SLC8A1: variants seen among roughly 807,000 people sequenced by gnomAD.
The protein encoded by SLC8A1 is sodium/calcium exchanger 1.
SLC8A1 carries 18 observed loss-of-function variants against 68.3 expected under a neutral mutation model. The observed-to-expected ratio is 0.26, with a 90% CI of 0.18 to 0.39. SLC8A1 has a LOEUF of 0.39. Among genes scored for constraint, SLC8A1 ranks in the 10% least tolerant of loss-of-function variants. The probability of loss-of-function intolerance (pLI) is 1.00; values close to 1 mark genes in which losing one functional copy is unlikely to be tolerated. For missense variants in SLC8A1, 985 were observed against 1,156.7 expected, an observed-to-expected ratio of 0.85 and a Z score of 2.15; for synonymous variants, 475 against 415.5, an observed-to-expected ratio of 1.14 and a Z score of -1.74.
intron 1 of SLC8A1, among the ~76,000 whole-genome samples, chr2:40,466,083 T>C (rs1282067594): frequency 6.6e-6 from 1 of 152,122 alleles, no homozygotes; most frequent in Non-Finnish European, 1.5e-5. Context: ...TAAATGTCTG[T>C]TCTCTATAAG....
At chr2:40,390,067 T>C (rs1280811891) in intron 2 of SLC8A1, among the ~76,000 whole-genome samples, 2 of 152,058 alleles carry the variant, frequency 1.3e-5, no homozygotes, top group East Asian at 1.9e-4. Context: ...AATATAGATA[T>C]GTTGTAATGT....
intron 2 of SLC8A1, among the ~76,000 whole-genome samples, chr2:40,244,542 G>A (rs1163493762): frequency 7.2e-6 from 1 of 138,940 alleles, no homozygotes; most frequent in Non-Finnish European, 1.5e-5. Context: ...GAGTAGGCAA[G>A]TGGTGTGCAT....
chr2:40,172,962 C>A (rs2047785568), intron 4 of SLC8A1, among the ~76,000 whole-genome samples: 3 of 151,978 alleles, frequency 2.0e-5, no homozygotes. Context: ...CTGACACATT[C>A]AGTAATAAAA....
intron 7 of SLC8A1, among the ~76,000 whole-genome samples, chr2:40,135,643 G>A (rs1402956766): frequency 9.2e-5 from 14 of 152,130 alleles, no homozygotes; most frequent in Admixed American, 4.6e-4. Flanking sequence ...GCTTGAACCC[G>A]AGAGGCGGAG....
chr2:40,507,865 A>G (rs1165942530), intron 1 of SLC8A1, among the ~76,000 whole-genome samples: 1 of 152,102 alleles, frequency 6.6e-6, no homozygotes, highest in African/African-American at 2.4e-5. Context: ...GCAGAAAGTA[A>G]CATAGTTGGG....
chr2:40,254,591 TTC>T (rs1460120279), intron 2 of SLC8A1: 1 of 152,104 alleles, frequency 6.6e-6, no homozygotes, highest in Non-Finnish European at 1.5e-5. Flanking sequence ...GTTTAAAAAT[TTC>T]TTTTTTATTA....
intron 2 of SLC8A1, among the ~76,000 whole-genome samples, chr2:40,287,866 C>A (rs1028051650): frequency 6.6e-6 from 1 of 152,004 alleles, no homozygotes. Flanking sequence ...CCTGCCTCAC[C>A]AAACCCCAGC....
At chr2:40,383,079 C>T (rs1186917213) in intron 2 of SLC8A1, among the ~76,000 whole-genome samples, 1 of 152,022 alleles carries the variant, frequency 6.6e-6, no homozygotes. Flanking sequence ...GAATCTGGAC[C>T]TATTATCCCT....
chr2:40,287,104 C>T (rs1332268332), intron 2 of SLC8A1, among the ~76,000 whole-genome samples: 1 of 152,162 alleles, frequency 6.6e-6, no homozygotes, highest in Non-Finnish European at 1.5e-5. Flanking sequence ...ATGTTACACT[C>T]AGCTTGTCTG....
intron 2 of SLC8A1, chr2:40,254,629 T>C (rs2063584318): frequency 6.6e-6 from 1 of 152,224 alleles, no homozygotes. Context: ...CAGAAAATTG[T>C]GAGTTTTAAC....
chr2:40,170,295 A>G, intron 4 of SLC8A1: 1 of 1,613,984 alleles, frequency 6.2e-7, no homozygotes, highest in African/African-American at 1.3e-5. Context: ...AATGGTGATT[A>G]CAGTAGAGAG....
At chr2:40,348,684 G>A (rs1029409844) in intron 2 of SLC8A1, among the ~76,000 whole-genome samples, 2 of 152,094 alleles carry the variant, frequency 1.3e-5, no homozygotes, top group African/African-American at 4.8e-5. Context: ...TCTCAGGGCA[G>A]CTAGTGCTGA....
exon 8 of SLC8A1, chr2:40,098,554 A>G (rs1234158503): frequency 6.6e-6 from 1 of 152,024 alleles, no homozygotes; most frequent in African/African-American, 2.4e-5. Flanking sequence ...TGCTTTTCAT[A>G]TTAGAGAAGA....
At chr2:40,415,599 G>C (rs1559588424) in intron 2 of SLC8A1, among the ~76,000 whole-genome samples, 2 of 152,194 alleles carry the variant, frequency 1.3e-5, no homozygotes, top group East Asian at 1.9e-4. Flanking sequence ...AAAAGGATAG[G>C]ATGTGGGTAG....
intron 3 of SLC8A1, among the ~76,000 whole-genome samples, chr2:40,176,616 TAC>T (rs2048513281): frequency 6.6e-6 from 1 of 152,168 alleles, no homozygotes; most frequent in African/African-American, 2.4e-5. Flanking sequence ...CACAGAAACA[TAC>T]GTGTTTTTTC....
chr2:40,503,264 A>C (rs1706156655), intron 1 of SLC8A1, among the ~76,000 whole-genome samples: 1 of 151,984 alleles, frequency 6.6e-6, no homozygotes, highest in South Asian at 2.1e-4. Context: ...CCCTCAACCC[A>C]CATCTCTACT....
At chr2:40,256,840 A>G (rs905333330) in intron 2 of SLC8A1, among the ~76,000 whole-genome samples, 1 of 152,040 alleles carries the variant, frequency 6.6e-6, no homozygotes, top group African/African-American at 2.4e-5. Flanking sequence ...CAATCCCTCT[A>G]TTCTGCCACC....
intron 2 of SLC8A1, among the ~76,000 whole-genome samples, chr2:40,312,535 C>T (rs570617622): frequency 9.2e-5 from 14 of 151,828 alleles, no homozygotes; most frequent in Non-Finnish European, 1.6e-4. Flanking sequence ...TAGATAAGTA[C>T]AAGTATAAAT....
intron 2 of SLC8A1, among the ~76,000 whole-genome samples, chr2:40,289,057 A>G (rs1559109001): frequency 6.6e-6 from 1 of 151,736 alleles, no homozygotes; most frequent in African/African-American, 2.4e-5. Flanking sequence ...AAACCATATT[A>G]GTTTCAGAAC....
Sources: gnomAD v4.1 joint callset for allele counts (sites outside exome capture counted in the v4.1 genomes callset) on GRCh38, gnomAD v4.1.1 for gene constraint, MANE v1.5 for transcripts, NCBI Gene and HGNC (gene_info 2026-07-23, HGNC 2026-07-21) for gene names.